Variants in FOSB observed in about 807,000 individuals in gnomAD.
FOSB encodes protein FosB.
In FOSB, 8 loss-of-function variants were observed where a neutral mutation model predicts 31.1. The ratio of observed to expected loss-of-function variants is 0.26; its 90% CI spans 0.15 to 0.46. The LOEUF is 0.46. Among genes scored for constraint, FOSB ranks in the 20% least tolerant of loss-of-function variants. The pLI is 0.99. For synonymous variants in FOSB, 214 were observed against 206.1 expected, an observed-to-expected ratio of 1.04 and a Z score of -0.33; for missense variants, 376 against 460.6, an observed-to-expected ratio of 0.82 and a Z score of 1.68.
At position 45,468,611 on chromosome 19, in the gene FOSB, TACGACTCC is replaced by T; in HGVS notation, c.26_33del (p.Tyr9TrpfsTer132). The T allele has an allele frequency of 6.2e-7, 1 of 1,613,238 alleles. No homozygotes were observed. Among genetic ancestry groups the T allele is most frequent in the Non-Finnish European group, 8.5e-7 (1 of 1,179,774 alleles). On this transcript the variant is annotated frameshift_variant, in exon 1 of 4. Coordinates refer to ENST00000353609, the MANE Select transcript of FOSB (RefSeq NM_006732.3). LOFTEE classifies it high-confidence loss of function. The surrounding 1 kb of genome is among the most constrained non-coding windows in gnomAD (Gnocchi z 4.8). ...AATGTTTCAGGCTTTCCCCGGAGAC[TACGACTCC>T]GGCTCCCGGTGCAGCTCCTCACCCT...
chr19:45,469,305 T>C (rs1967539856), intron 1 of FOSB, among the ~76,000 whole-genome samples: 1 of 152,180 alleles, frequency 6.6e-6, no homozygotes, highest in Admixed American at 6.5e-5. Context: ...GCCCCCTTCG[T>C]CCGCCCCGCC....
intron 2 of FOSB, 25 bp from the exon 3 acceptor site, chr19:45,471,169 C>T (rs1967645640): frequency 6.5e-7 from 1 of 1,543,050 alleles, no homozygotes; most frequent in Non-Finnish European, 8.8e-7. Flanking sequence ...CCCCAAATCT[C>T]ATGGCCTCTA....
In FOSB at chr19:45,472,922, G is replaced by A. The variant is rs1200531475; in HGVS notation, c.927G>A (p.Pro309=). 16 of 1,613,874 alleles carry A rather than the reference G, an allele frequency of 9.9e-6. No individual in the cohort carries two copies. The highest frequency in any genetic ancestry group is 4.5e-5 in the East Asian group (2 of 44,890). ...SYTSSFVLTC[P]EVSAFAGAQR... ...CTTCTTCGTTTGTCCTCACCTGCCCGGAGGTCTCCGCGTTCGCCGGCGCCC... is the reference window on the plus strand; with the variant it reads ...CTTCTTCGTTTGTCCTCACCTGCCCAGAGGTCTCCGCGTTCGCCGGCGCCC... The change falls in exon 4 of 4, where the codon CCG becomes CCA. Residue 309 remains proline (P), a synonymous_variant. Transcript: ENST00000353609. This position sits in a 1 kb window ranked among gnomAD's most constrained non-coding sequence, Gnocchi z 5.4.
rs1474469534 is a variant in FOSB at position 45,474,508 on chromosome 19, G to A, written c.*1496G>A. Reference sequence around the variant, plus strand: ...ACATTCCACGTGCCCCTTGTCGCGCGTCTCCCATCCTGATCCCAGACCCAT... The same window carrying A: ...ACATTCCACGTGCCCCTTGTCGCGCATCTCCCATCCTGATCCCAGACCCAT... On this transcript the variant is annotated 3_prime_UTR_variant, in exon 4 of 4. Transcript: ENST00000353609. 3 of 152,424 alleles carry A rather than the reference G, an allele frequency of 2.0e-5. No individual in the cohort carries two copies. The highest frequency in any genetic ancestry group is 2.1e-4 in the South Asian group (1 of 4,822). 9.4% of individuals were successfully genotyped at this position (152,424 alleles called of 1,614,324 possible).
chr19:45,472,083 T>C lies in FOSB; in HGVS notation c.556-468T>C, dbSNP rs76249776. 5.3e-5 allele frequency: 8 copies of C among 152,324 alleles called. No individual in the cohort carries two copies. The highest frequency in any genetic ancestry group is 1.9e-4 in the African/African-American group (8 of 41,230). 9.4% of individuals were successfully genotyped at this position (152,324 alleles called of 1,614,324 possible). On this transcript the variant is annotated intron_variant, in intron 3 of 3. Coordinates refer to ENST00000353609, the MANE Select transcript of FOSB (RefSeq NM_006732.3). This position sits in a 1 kb window ranked among gnomAD's most constrained non-coding sequence, Gnocchi z 5.4. ...TGTCTCTACCAAGAAAAAAAAAAAT[T>C]AGTTGGGCATGGTGGTGCACACCAC... is the stretch of plus-strand genomic sequence containing the variant.
intron 3 of FOSB, 48 bp downstream of exon 3, chr19:45,471,349 C>G: frequency 7.7e-7 from 1 of 1,298,114 alleles, no homozygotes; most frequent in Non-Finnish European, 1.1e-6. Flanking sequence ...GGGGAGCTCT[C>G]TCCCCATTCT....
rs772711901 is a variant in FOSB, at chr19:45,472,816, C to G, written c.821C>G (p.Pro274Arg). Reference protein sequence around the residue: ...LPFQTSQDAPPNLTASLFTHS... With the variant: ...LPFQTSQDAPRNLTASLFTHS... The stretch of plus-strand genomic sequence containing the variant: ...TTCCAGACCAGCCAAGACGCACCCC[C>G]CAACCTGACGGCTTCTCTCTTTACA... The change falls in exon 4 of 4, where the codon CCC (proline) becomes CGC (arginine). Residue 274 changes from proline to arginine, a missense_variant. Around this residue, in one of 3 missense-constraint regions of FOSB, gnomAD observed 148 missense variants for 170.0 expected, o/e 0.87. Transcript: ENST00000353609. The surrounding 1 kb of genome is among the most constrained non-coding windows in gnomAD (Gnocchi z 5.4). 8.1e-6 allele frequency: 13 copies of G among 1,614,092 alleles called. No homozygotes were observed. The highest frequency in any genetic ancestry group is 4.5e-5 in the East Asian group (2 of 44,896).
chr19:45,471,196 C>T lies in FOSB; in HGVS notation c.450C>T (p.Leu150=). The change falls in exon 3 of 4, where the codon CTC becomes CTT. Residue 150 remains leucine, a splice_region_variant and synonymous_variant. Transcript: ENST00000353609. ...TGGCCTCTATCTCCCTGACTCAGCT[C>T]ACCCCAGAGGAAGAGGAGAAGCGAA... ...ARPRRPREET[L]TPEEEEKRRV... The T allele has an allele frequency of 6.4e-7, 1 of 1,560,308 alleles. No homozygotes were observed. Among genetic ancestry groups the T allele is most frequent in the African/African-American group, 1.4e-5 (1 of 73,566 alleles).
intron 1 of FOSB, among the ~76,000 whole-genome samples, chr19:45,469,401 G>A (rs2122140040): frequency 6.6e-6 from 1 of 152,380 alleles, no homozygotes; most frequent in South Asian, 2.1e-4. Context: ...ATTGGCCGCC[G>A]GGGCGCACGC....
At chr19:45,469,040 T>C (rs1008264740) in intron 1 of FOSB, among the ~76,000 whole-genome samples, 5 of 152,190 alleles carry the variant, frequency 3.3e-5, no homozygotes, top group African/African-American at 1.2e-4. Flanking sequence ...CCTGCTCGGG[T>C]CCCAGACCTG....
Position 45,468,628 on chromosome 19 carries a change from G to C in FOSB, c.42G>C (p.Arg14=). The part of the protein sequence containing the change: ...AFPGDYDSGS[R]CSSSPSAESQ... The stretch of plus-strand genomic sequence containing the variant: ...CCGGAGACTACGACTCCGGCTCCCG[G>C]TGCAGCTCCTCACCCTCTGCCGAGT... Residue 14 remains arginine (R), a synonymous_variant, in exon 1 of 4, where the codon CGG becomes CGC. Transcript: ENST00000353609. This position sits in a 1 kb window ranked among gnomAD's most constrained non-coding sequence, Gnocchi z 4.8. The C allele has an allele frequency of 6.2e-7, 1 of 1,613,554 alleles. No homozygotes were observed. Among genetic ancestry groups the C allele is most frequent in the South Asian group, 1.1e-5 (1 of 91,016 alleles).
rs1967763175 is a variant in FOSB at position 45,473,722 on chromosome 19, TC to T, written c.*711del. ...AGAAAAACTGGCTCTGATTGGAATT[TC>T]TGGCCTCCTAAGGCTCCCCACCCCG... On this transcript the variant is annotated 3_prime_UTR_variant, in exon 4 of 4. Coordinates refer to ENST00000353609, the MANE Select transcript of FOSB (RefSeq NM_006732.3). 6.6e-6 allele frequency: 1 copy of T among 151,904 alleles called. No homozygotes were observed. 9.4% of individuals were successfully genotyped at this position (151,904 alleles called of 1,614,324 possible).
At chr19:45,469,280 C>T (rs575005572) in intron 1 of FOSB, among the ~76,000 whole-genome samples, 1 of 152,350 alleles carries the variant, frequency 6.6e-6, no homozygotes, top group South Asian at 2.1e-4. Flanking sequence ...ACGCGGGGCA[C>T]GCACGGCGCG....
intron 3 of FOSB, 57 bp downstream of exon 3, chr19:45,471,358 C>A: frequency 1.7e-6 from 2 of 1,189,318 alleles, no homozygotes; most frequent in Non-Finnish European, 2.4e-6. Flanking sequence ...TCTCCCCATT[C>A]TCTGCCCCCT....
intron 1 of FOSB, among the ~76,000 whole-genome samples, chr19:45,469,091 G>T (rs1295187382): frequency 2.6e-5 from 4 of 152,262 alleles, no homozygotes; most frequent in African/African-American, 7.2e-5. Context: ...TCCCGGGGAA[G>T]CTTCCAGCAG....
chr19:45,472,958 C>T lies in FOSB; in HGVS notation c.963C>T (p.Ser321=). 4 of 1,613,258 alleles carry T rather than the reference C, an allele frequency of 2.5e-6. No individual in the cohort carries two copies. Among genetic ancestry groups the T allele is most frequent in the Non-Finnish European group, 2.5e-6 (3 of 1,180,038 alleles). Residue 321 remains serine, a synonymous_variant, in exon 4 of 4, where the codon AGC becomes AGT. Coordinates refer to ENST00000353609, the MANE Select transcript of FOSB (RefSeq NM_006732.3). This position sits in a 1 kb window ranked among gnomAD's most constrained non-coding sequence, Gnocchi z 5.4. The part of the protein sequence containing the change: ...VSAFAGAQRT[S]GSDQPSDPLN... The stretch of plus-strand genomic sequence containing the variant: ...CGTTCGCCGGCGCCCAACGCACCAG[C>T]GGCAGTGACCAGCCTTCCGATCCCC...
In FOSB at chr19:45,468,754, T is replaced by G. The variant is rs762678812; in HGVS notation, c.126+42T>G. 2.2e-5 allele frequency: 34 copies of G among 1,552,004 alleles called. No homozygotes were observed. The highest frequency in any genetic ancestry group is 2.3e-5 in the Non-Finnish European group (27 of 1,152,980). On this transcript the variant is annotated intron_variant, in intron 1 of 3. Transcript: ENST00000353609. The surrounding 1 kb of genome is among the most constrained non-coding windows in gnomAD (Gnocchi z 4.8). Reference sequence around the variant, plus strand: ...AGGGGTGCTGCTTTGTAGGTTTTATTTTTTAAGTCAAGGGTGAAAAGAATA... The same window carrying G: ...AGGGGTGCTGCTTTGTAGGTTTTATGTTTTAAGTCAAGGGTGAAAAGAATA...
At position 45,472,471 on chromosome 19, in the gene FOSB, A is replaced by G. The variant is rs1483791263; in HGVS notation, c.556-80A>G. The G allele has an allele frequency of 3.3e-6, 4 of 1,209,858 alleles. No individual in the cohort carries two copies. Among genetic ancestry groups the G allele is most frequent in the Non-Finnish European group, 4.5e-6 (4 of 888,616 alleles). The allele number at this position is 1,209,858 out of a possible 1,614,324, so 74.9% of individuals were successfully genotyped here. On this transcript the variant is annotated intron_variant, in intron 3 of 3. Transcript: ENST00000353609. This position sits in a 1 kb window ranked among gnomAD's most constrained non-coding sequence, Gnocchi z 5.4. Reference sequence around the variant, plus strand: ...TTCCAGCAGCAAGTCCAAGGGAGCCATGACCCGAGTTTCCCGGTCACTGAC... The same window carrying G: ...TTCCAGCAGCAAGTCCAAGGGAGCCGTGACCCGAGTTTCCCGGTCACTGAC...
Position 45,474,831 on chromosome 19 carries a change from G to T in FOSB, c.*1819G>T, listed in dbSNP as rs1027557345. ...CTCCTCCGCCTGTGTCCATCTGACCGTTTTCACTTGTCTCCTTTCTGACTG... is the reference window on the plus strand; with the variant it reads ...CTCCTCCGCCTGTGTCCATCTGACCTTTTTCACTTGTCTCCTTTCTGACTG... On this transcript the variant is annotated 3_prime_UTR_variant, in exon 4 of 4. Transcript: ENST00000353609. 1 of 152,082 alleles carries T rather than the reference G, an allele frequency of 6.6e-6. No individual in the cohort carries two copies. The highest frequency in any genetic ancestry group is 2.4e-5 in the African/African-American group (1 of 41,386). The allele number at this position is 152,082 out of a possible 1,614,324, so 9.4% of individuals were successfully genotyped here. A position where few individuals can be genotyped will look rare whatever the true frequency, so the allele number is the denominator to read the frequency against.
Sources: allele counts gnomAD v4.1 joint callset (sites outside exome capture counted in the v4.1 genomes callset), GRCh38; gene constraint gnomAD v4.1.1; regional missense constraint gnomAD v4.1.1; non-coding constraint Gnocchi (gnomAD v3.1); transcripts MANE v1.5; gene names NCBI Gene and HGNC (gene_info 2026-07-23, HGNC 2026-07-21).